The following PLCB1 variants were observed in gnomAD, a reference collection of about 807,000 sequenced individuals.
PLCB1 encodes the protein phospholipase C beta 1, also known as 1-phosphatidylinositol 4,5-bisphosphate phosphodiesterase beta-1.
A neutral mutation model predicts 161.8 loss-of-function variants in PLCB1; 46 were observed. That is an observed-to-expected ratio of 0.28 (90% CI 0.22 to 0.36). PLCB1 has a LOEUF of 0.36. Ranked by LOEUF, PLCB1 falls within the 10% of genes least tolerant of loss-of-function variation. The pLI is 1.00. For synonymous variants in PLCB1, 517 were observed against 503.7 expected (o/e 1.03, Z -0.35); for missense variants, 1,016 against 1,472.5 (o/e 0.69, Z 5.07).
intron 2 of PLCB1, among the ~76,000 whole-genome samples, chr20:8,262,240 C>A (rs1371227457): frequency 7.3e-6 from 1 of 137,126 alleles, no homozygotes; most frequent in Middle Eastern, 3.3e-3. Flanking sequence ...TGCCACCACG[C>A]CAGGCTACTT....
chr20:8,868,636 T>A (rs1227073257), intron 31 of PLCB1, among the ~76,000 whole-genome samples: 1 of 152,132 alleles, frequency 6.6e-6, no homozygotes, highest in African/African-American at 2.4e-5. Flanking sequence ...TTATTTTACT[T>A]ATGTATTCAT....
intron 7 of PLCB1, chr20:8,651,534 T>C: frequency 1.4e-6 from 1 of 716,372 alleles, no homozygotes; most frequent in Non-Finnish European, 2.6e-6. Flanking sequence ...TATTGCTTTT[T>C]TGTTAGATGC....
rs1600271773 is a variant in PLCB1 at position 8,716,364 on chromosome 20, G to A, written c.1335+16G>A. 1 of 1,580,364 alleles carries A rather than the reference G, an allele frequency of 6.3e-7. No individual in the cohort carries two copies. Among genetic ancestry groups the A allele is most frequent in the Non-Finnish European group, 8.7e-7 (1 of 1,149,404 alleles). ...AAAATATCCAGTAAGCAGTTCTGAT[G>A]TTTGTCCTTGAAGGAATGTATGCAT... is the stretch of plus-strand genomic sequence containing the variant. On this transcript the variant is annotated intron_variant, in intron 13 of 31. Coordinates refer to ENST00000338037, the MANE Select transcript of PLCB1 (RefSeq NM_015192.4).
chr20:8,425,706 T>C (rs1979736773), intron 3 of PLCB1, among the ~76,000 whole-genome samples: 1 of 152,228 alleles, frequency 6.6e-6, no homozygotes, highest in Non-Finnish European at 1.5e-5. Context: ...ATTAGGTGAC[T>C]GTAAACTCCC....
chr20:8,172,829 G>A (rs1443332527), intron 2 of PLCB1, among the ~76,000 whole-genome samples: 1 of 152,172 alleles, frequency 6.6e-6, no homozygotes, highest in Non-Finnish European at 1.5e-5. Context: ...CTGGCATCAG[G>A]ACCAGAGAAG....
intron 1 of PLCB1, among the ~76,000 whole-genome samples, chr20:8,142,921 G>A (rs187162253): frequency 6.6e-6 from 1 of 152,140 alleles, no homozygotes; most frequent in African/African-American, 2.4e-5. Flanking sequence ...TATTCCAGCT[G>A]CCCTCCTGCC....
At chr20:8,184,921 C>G (rs2051885904) in intron 2 of PLCB1, among the ~76,000 whole-genome samples, 1 of 151,918 alleles carries the variant, frequency 6.6e-6, no homozygotes, top group South Asian at 2.1e-4. Flanking sequence ...AGGTATTTCT[C>G]CTAATGCTAT....
chr20:8,652,886 T>C (rs919839992), intron 7 of PLCB1: 3 of 152,092 alleles, frequency 2.0e-5, no homozygotes, highest in African/African-American at 7.2e-5. Flanking sequence ...AAGGTAGTAC[T>C]GTATCCAAAG....
At chr20:8,524,431 G>A (rs576324568) in intron 3 of PLCB1, among the ~76,000 whole-genome samples, 9 of 152,024 alleles carry the variant, frequency 5.9e-5, no homozygotes, top group East Asian at 3.9e-4. Context: ...TAATAACTTC[G>A]TTTTGCTAAT....
At chr20:8,723,892 G>A (rs1364001895) in intron 15 of PLCB1, among the ~76,000 whole-genome samples, 1 of 151,964 alleles carries the variant, frequency 6.6e-6, no homozygotes, top group East Asian at 1.9e-4. Flanking sequence ...GAAAGCAGTT[G>A]TTTACCCACC....
intron 31 of PLCB1, among the ~76,000 whole-genome samples, chr20:8,851,551 A>G (rs1274579225): frequency 1.3e-5 from 2 of 152,140 alleles, no homozygotes; most frequent in African/African-American, 4.8e-5. Context: ...ATCATATGGT[A>G]GCAGATGCCT....
intron 3 of PLCB1, among the ~76,000 whole-genome samples, chr20:8,608,906 C>A (rs947299599): frequency 1.2e-4 from 18 of 152,096 alleles, no homozygotes; most frequent in African/African-American, 4.3e-4. Context: ...ACAGTGATGG[C>A]CTCTGTAATT....
At chr20:8,145,156 G>A (rs911996628) in intron 1 of PLCB1, among the ~76,000 whole-genome samples, 1 of 152,090 alleles carries the variant, frequency 6.6e-6, no homozygotes, top group Non-Finnish European at 1.5e-5. Flanking sequence ...GTGTCAGCAG[G>A]GTTGCTTCCT....
Position 8,132,804 on chromosome 20 carries a change from G to A in PLCB1, c.99+54G>A. ...CGCTGGCTCGGGCACCGGGCAGGGC[G>A]GGCGTCGTGGGGGTGGGGCAAGGGG... On this transcript the variant is annotated intron_variant, in intron 1 of 31. Coordinates refer to ENST00000338037, the MANE Select transcript of PLCB1 (RefSeq NM_015192.4). The surrounding 1 kb of genome is among the most constrained non-coding windows in gnomAD (Gnocchi z 5.2). 2 of 1,309,510 alleles carry A rather than the reference G, an allele frequency of 1.5e-6. No homozygotes were observed. The highest frequency in any genetic ancestry group is 2.2e-6 in the Non-Finnish European group (2 of 914,768). The allele number at this position is 1,309,510 out of a possible 1,614,324, so 81.1% of individuals were successfully genotyped here.
At chr20:8,354,479 T>C (rs1986295492) in intron 2 of PLCB1, among the ~76,000 whole-genome samples, 1 of 152,092 alleles carries the variant, frequency 6.6e-6, no homozygotes, top group Admixed American at 6.6e-5. Context: ...GTACTCACGG[T>C]TTTCTCTTTA....
intron 13 of PLCB1, among the ~76,000 whole-genome samples, 182 bp from the exon 14 acceptor site, chr20:8,717,489 A>T (rs528030197): frequency 6.6e-6 from 1 of 152,298 alleles, no homozygotes; most frequent in East Asian, 1.9e-4. Context: ...AGTAATGAAA[A>T]TATATCTTTG....
At chr20:8,376,017 T>G (rs2122363230) in intron 3 of PLCB1, among the ~76,000 whole-genome samples, 1 of 150,628 alleles carries the variant, frequency 6.6e-6, no homozygotes, top group Non-Finnish European at 1.5e-5. Flanking sequence ...GATTAAAGAC[T>G]TGTGTCAAGC....
intron 31 of PLCB1, among the ~76,000 whole-genome samples, chr20:8,823,135 T>G (rs1017269747): frequency 1.3e-5 from 2 of 151,734 alleles, no homozygotes; most frequent in African/African-American, 4.9e-5. Flanking sequence ...TTGTTTTTTG[T>G]TTTTTGAGAC....
chr20:8,624,525 T>C (rs1374261417), intron 3 of PLCB1, among the ~76,000 whole-genome samples: 1 of 152,198 alleles, frequency 6.6e-6, no homozygotes, highest in African/African-American at 2.4e-5. Context: ...CATTTAACTC[T>C]TTTTTTAAAT....
Sources: allele counts gnomAD v4.1 joint callset (sites outside exome capture counted in the v4.1 genomes callset), GRCh38; gene constraint gnomAD v4.1.1; non-coding constraint Gnocchi (gnomAD v3.1); transcripts MANE v1.5; gene names NCBI Gene and HGNC (gene_info 2026-07-23, HGNC 2026-07-21).